SEC16A: variants seen among roughly 807,000 people sequenced by gnomAD.
SEC16A encodes protein transport protein Sec16A.
A neutral mutation model predicts 221.9 loss-of-function variants in SEC16A; 110 were observed. That is an observed-to-expected ratio of 0.50 (90% confidence interval 0.42 to 0.58). The LOEUF is 0.58. Among genes scored for constraint, SEC16A ranks in the 20% least tolerant of loss-of-function variants. SEC16A has a pLI of 0.00. For synonymous variants in SEC16A, 1,393 were observed against 1,257.7 expected (o/e 1.11, Z -2.28); for missense variants, 3,165 against 3,097.8 (o/e 1.02, Z -0.52).
chr9:136,473,070 C>T (rs1219724020), intron 3 of SEC16A, among the ~76,000 whole-genome samples: 1 of 152,266 alleles, frequency 6.6e-6, no homozygotes, highest in African/African-American at 2.4e-5. Context: ...GTCAGGTGTG[C>T]ACCTGGTCAC....
chr9:136,471,118 G>A (rs1192061359), intron 4 of SEC16A, among the ~76,000 whole-genome samples: 1 of 151,796 alleles, frequency 6.6e-6, no homozygotes, highest in Non-Finnish European at 1.5e-5. Flanking sequence ...CCCCTCTTCT[G>A]TAATGGCAAA....
chr9:136,443,206 AG>A (rs1274253006), intron 31 of SEC16A, among the ~76,000 whole-genome samples: 1 of 146,728 alleles, frequency 6.8e-6, no homozygotes. Context: ...AAGCGAATAC[AG>A]GAGCACGGAG....
chr9:136,483,182 C>A (rs1419992729), upstream of SEC16A: 1 of 262,836 alleles, frequency 3.8e-6, no homozygotes, highest in African/African-American at 2.4e-5. Flanking sequence ...CTCGGCCCCG[C>A]CCCTCGCCGG....
chr9:136,483,436 C>CT (rs1842671264), upstream of SEC16A: 2 of 741,994 alleles, frequency 2.7e-6, no homozygotes, highest in Non-Finnish European at 3.3e-6. Context: ...GTTCCCGCCC[C>CT]TTTGGCCCCG....
intron 17 of SEC16A, among the ~76,000 whole-genome samples, 162 bp from the exon 18 acceptor site, chr9:136,457,746 C>A (rs946506417): frequency 1.3e-5 from 2 of 152,164 alleles, no homozygotes; most frequent in African/African-American, 4.8e-5. Flanking sequence ...CCACCCACCA[C>A]GCCCGCTGAC....
In SEC16A at chr9:136,476,516, C is replaced by A. The variant is rs1353427324; in HGVS notation, c.1100G>T (p.Gly367Val). ...AAACATCGCCAGAGCTCCTGAAGCT[C>A]CTGAGTCTGCTTCTAGCGGGGCACA... ...SGCAPLEADS[G>V]ASGALAMFFQ... is the part of the protein sequence containing the mutation. Residue 367 changes from glycine to valine, a missense_variant, in exon 3 of 32, where the codon GGA (glycine) becomes GTA (valine). Gly to Val is a moderately radical substitution (Grantham distance 109). Around this residue, in one of 3 missense-constraint regions of SEC16A, gnomAD observed 2,030 missense variants for 1,923.1 expected, o/e 1.06. Coordinates refer to ENST00000684901, the MANE Select transcript of SEC16A (RefSeq NM_014866.2). 2.5e-6 allele frequency: 4 copies of A among 1,611,106 alleles called. No individual in the cohort carries two copies. The African/African-American group carries it at 4.0e-5, about 16-fold the overall frequency.
At chr9:136,457,843 A>C (rs113487720) in intron 17 of SEC16A, among the ~76,000 whole-genome samples, 3,556 of 151,790 alleles carry the variant, frequency 0.023, 180 homozygotes, top group African/African-American at 0.08. Flanking sequence ...TTTCCCCCCA[A>C]CCCCTTTCAT....
chr9:136,457,081 G>A (rs1352598350), intron 18 of SEC16A, among the ~76,000 whole-genome samples: 1 of 152,210 alleles, frequency 6.6e-6, no homozygotes, highest in Non-Finnish European at 1.5e-5. Context: ...GCTGAGGCAG[G>A]AGCATCACTT....
chr9:136,445,752 A>C, intron 28 of SEC16A, 33 bp from the exon 29 acceptor site: 2 of 1,539,010 alleles, frequency 1.3e-6, no homozygotes, highest in Non-Finnish European at 1.8e-6. Flanking sequence ...CAGCAACCAA[A>C]TCCCAGGGAA....
upstream of SEC16A, chr9:136,483,510 C>A: frequency 1.0e-6 from 1 of 982,750 alleles, no homozygotes; most frequent in Non-Finnish European, 1.2e-6. Context: ...GCCGCCTCAC[C>A]GCTTGGCCCC....
chr9:136,474,201 G>A lies in SEC16A; in HGVS notation c.3415C>T (p.Pro1139Ser), dbSNP rs1289103831. The A allele has an allele frequency of 1.9e-6, 3 of 1,611,816 alleles. No individual in the cohort carries two copies. The highest frequency in any genetic ancestry group is 2.2e-5 in the East Asian group (1 of 44,856). The change falls in exon 3 of 32, where the codon CCG becomes TCG. Residue 1139 changes from proline (P) to serine (S), a missense_variant. This residue lies in a region of SEC16A where 2,030 missense variants were observed against 1,923.1 expected (regional missense o/e 1.06). Transcript: ENST00000684901. ...SGQAAVPSEQ[P>S]WPQPVPALAP... is the part of the protein sequence containing the mutation. ...AGTGCAGGCACTGGCTGTGGCCACGGCTGCTCTGACGGCACAGCTGCCTGG... is the reference window on the plus strand; with the variant it reads ...AGTGCAGGCACTGGCTGTGGCCACGACTGCTCTGACGGCACAGCTGCCTGG...
rs1839144600 is a variant in SEC16A, at chr9:136,459,275, A to G, written c.5304-36T>C. 1 of 1,590,752 alleles carries G rather than the reference A, an allele frequency of 6.3e-7. No individual in the cohort carries two copies. On this transcript the variant is annotated intron_variant, in intron 16 of 31. Transcript: ENST00000684901. This position sits in a 1 kb window ranked among gnomAD's most constrained non-coding sequence, Gnocchi z 6.1. ...AGTGAATTATTTTGATTTGGAAAAA[A>G]TGGCCAATTATTGGCATAGTCAACC...
In SEC16A at chr9:136,477,570, G is replaced by A. The variant is rs184501717; in HGVS notation, c.46C>T (p.Pro16Ser). Residue 16 changes from proline to serine, a missense_variant, in exon 3 of 32, where the codon CCT becomes TCT. By Grantham distance (74) the Pro-to-Ser change is moderately conservative. Transcript: ENST00000684901. ...QTVPSGMAGP[P>S]PAGNPRSVFW... ...ACGCTCCGAGGATTCCCGGCTGGAG[G>A]TGGCCCAGCCATGCCAGACGGGACC... 16 of 1,612,792 alleles carry A rather than the reference G, an allele frequency of 9.9e-6. No homozygotes were observed. In the Admixed American group the frequency reaches 1.5e-4, roughly 15 times the overall value.
chr9:136,471,647 C>A (rs1198834385), intron 4 of SEC16A, among the ~76,000 whole-genome samples: 1 of 152,222 alleles, frequency 6.6e-6, no homozygotes, highest in African/African-American at 2.4e-5. Context: ...AATGGCCGGA[C>A]CAACAGACGT....
Position 136,475,922 on chromosome 9 carries a change from T to C in SEC16A, c.1694A>G (p.Gln565Arg), listed in dbSNP as rs767733979. ...ACCTCCTACGGGAGAAGAATCGATT[T>C]GCTTAAAAAAACTACCTGAAGCTTC... ...EDEASGSFFK[Q>R]IDSSPVGGET... Residue 565 changes from glutamine to arginine, a missense_variant, in exon 3 of 32, where the codon CAA (glutamine) becomes CGA (arginine). By Grantham distance (43) the Gln-to-Arg change is conservative. Coordinates refer to ENST00000684901, the MANE Select transcript of SEC16A (RefSeq NM_014866.2). This position sits in a 1 kb window ranked among gnomAD's most constrained non-coding sequence, Gnocchi z 5.0. 2.3e-5 allele frequency: 37 copies of C among 1,613,412 alleles called. No individual in the cohort carries two copies. The highest frequency in any genetic ancestry group is 3.1e-5 in the Non-Finnish European group (36 of 1,179,746).
chr9:136,476,889 A>G lies in SEC16A; in HGVS notation c.727T>C (p.Cys243Arg). The G allele has an allele frequency of 6.2e-7, 1 of 1,611,812 alleles. No homozygotes were observed. The highest frequency in any genetic ancestry group is 8.5e-7 in the Non-Finnish European group (1 of 1,179,546). Residue 243 changes from cysteine (C) to arginine (R), a missense_variant, in exon 3 of 32, where the codon TGT becomes CGT. This residue lies in a region of SEC16A where 2,030 missense variants were observed against 1,923.1 expected (regional missense o/e 1.06). Coordinates refer to ENST00000684901, the MANE Select transcript of SEC16A (RefSeq NM_014866.2). Reference protein sequence around the residue: ...PEGPVPSGVPCATSVPHFPTP... With the variant: ...PEGPVPSGVPRATSVPHFPTP... ...GGGAAATGAGGAACGCTGGTGGCAC[A>G]GGGCACCCCGCTGGGAACAGGTCCT...
chr9:136,455,596 C>T lies in SEC16A; in HGVS notation c.5857+5G>A. On this transcript the variant is annotated splice_donor_5th_base_variant and intron_variant, in intron 20 of 31. Coordinates refer to ENST00000684901, the MANE Select transcript of SEC16A (RefSeq NM_014866.2). ...TGAGGGCAGCAGCCGCGCACCTGGG[C>T]TCACCTGAGGGCAGCAGCCGCACGC... is the stretch of plus-strand genomic sequence containing the variant. 1 of 1,552,656 alleles carries T rather than the reference C, an allele frequency of 6.4e-7. No homozygotes were observed. The highest frequency in any genetic ancestry group is 8.7e-7 in the Non-Finnish European group (1 of 1,151,850).
At chr9:136,446,827 T>C in intron 28 of SEC16A, 28 bp downstream of exon 28, 3 of 1,573,098 alleles carry the variant, frequency 1.9e-6, no homozygotes, top group South Asian at 1.2e-5. Flanking sequence ...ACTGGGTACC[T>C]TTCCCCTTTC....
intron 23 of SEC16A, among the ~76,000 whole-genome samples, chr9:136,449,662 AGAG>A (rs1427849350): frequency 6.6e-6 from 1 of 152,200 alleles, no homozygotes; most frequent in Non-Finnish European, 1.5e-5. Context: ...TACTGAAGAA[AGAG>A]GAGAAGCCTC....
Sources: allele counts gnomAD v4.1 joint callset (sites outside exome capture counted in the v4.1 genomes callset), GRCh38; gene constraint gnomAD v4.1.1; regional missense constraint gnomAD v4.1.1; non-coding constraint Gnocchi (gnomAD v3.1); transcripts MANE v1.5; gene names NCBI Gene and HGNC (gene_info 2026-07-23, HGNC 2026-07-21).